The following CTNNA3 variants were observed in gnomAD, a reference collection of about 807,000 sequenced individuals.
The protein encoded by CTNNA3 is catenin alpha 3.
CTNNA3 carries 76 observed loss-of-function variants against 95.7 expected under a neutral mutation model. The ratio of observed to expected loss-of-function variants is 0.79; its 90% CI spans 0.66 to 0.96. The LOEUF (loss-of-function observed/expected upper bound fraction) is 0.96. Ranked by LOEUF, CTNNA3 falls within the 40% of genes least tolerant of loss-of-function variation. CTNNA3 has a pLI of 0.00. For synonymous variants in CTNNA3, 431 were observed against 374.4 expected (o/e 1.15, Z -1.74); for missense variants, 1,191 against 1,089.8 (o/e 1.09, Z -1.31).
chr10:67,484,217 G>A (rs934234462), intron 5 of CTNNA3, among the ~76,000 whole-genome samples: 1 of 152,134 alleles, frequency 6.6e-6, no homozygotes, highest in Admixed American at 6.6e-5. Flanking sequence ...AACAAGCAAT[G>A]GGGAAAGGAC....
At chr10:67,750,033 C>G (rs1034827699) in intron 1 of CTNNA3, among the ~76,000 whole-genome samples, 1 of 152,172 alleles carries the variant, frequency 6.6e-6, no homozygotes, top group Non-Finnish European at 1.5e-5. Flanking sequence ...CTGTAACACT[C>G]GCCGTGAAGG....
At chr10:66,248,344 A>C (rs2132060932) in intron 13 of CTNNA3, among the ~76,000 whole-genome samples, 1 of 103,398 alleles carries the variant, frequency 9.7e-6, no homozygotes, top group Non-Finnish European at 2.3e-5. Context: ...GAAAGAGAAA[A>C]TCATAAAAAA....
At chr10:67,250,291 C>T (rs867619962) in intron 5 of CTNNA3, among the ~76,000 whole-genome samples, 43 of 151,874 alleles carry the variant, frequency 2.8e-4, no homozygotes, top group Middle Eastern at 3.4e-3. Flanking sequence ...TCTCAGCTCA[C>T]TGCCACCTCC....
intron 7 of CTNNA3, among the ~76,000 whole-genome samples, chr10:67,168,037 T>C (rs1861858518): frequency 6.6e-6 from 1 of 152,130 alleles, no homozygotes; most frequent in Admixed American, 6.5e-5. Context: ...CTCAGGAGGT[T>C]GAGGCAGGAG....
chr10:66,083,008 C>T (rs1213576358), intron 14 of CTNNA3, among the ~76,000 whole-genome samples: 1 of 148,296 alleles, frequency 6.7e-6, no homozygotes, highest in Non-Finnish European at 1.5e-5. Flanking sequence ...AAAAAGAGTC[C>T]CTTCCCTAAA....
At chr10:66,914,509 G>A (rs1406237148) in intron 7 of CTNNA3, among the ~76,000 whole-genome samples, 1 of 143,092 alleles carries the variant, frequency 7.0e-6, no homozygotes, top group Non-Finnish European at 1.5e-5. Flanking sequence ...TACCTCAGAA[G>A]AAGTAGTGGC....
chr10:67,715,457 G>A (rs558225997), intron 1 of CTNNA3, among the ~76,000 whole-genome samples: 1 of 152,142 alleles, frequency 6.6e-6, no homozygotes. Context: ...GAGACCTTGA[G>A]AGCAGCTAAT....
intron 11 of CTNNA3, among the ~76,000 whole-genome samples, chr10:66,446,673 C>T (rs1350912447): frequency 6.6e-6 from 1 of 152,104 alleles, no homozygotes; most frequent in East Asian, 1.9e-4. Context: ...TGGGACGTAT[C>T]TAAAAATAAT....
chr10:67,006,658 CTT>C (rs1161657240), intron 7 of CTNNA3, among the ~76,000 whole-genome samples: 6 of 152,096 alleles, frequency 3.9e-5, no homozygotes, highest in Admixed American at 1.3e-4. Flanking sequence ...TCATTTAAAA[CTT>C]GAGTAATTAT....
chr10:66,006,088 G>C (rs1378604433), intron 15 of CTNNA3, among the ~76,000 whole-genome samples: 1 of 147,724 alleles, frequency 6.8e-6, no homozygotes, highest in Non-Finnish European at 1.5e-5. Flanking sequence ...TCTCGGCTCA[G>C]TGCAAGCTCT....
intron 10 of CTNNA3, among the ~76,000 whole-genome samples, chr10:66,585,037 G>T (rs1843313376): frequency 6.6e-6 from 1 of 152,010 alleles, no homozygotes; most frequent in Admixed American, 6.6e-5. Context: ...TAAGGTTTCT[G>T]CTGAGAAGTC....
intron 5 of CTNNA3, among the ~76,000 whole-genome samples, chr10:67,517,266 CTT>C (rs1351960259): frequency 1.3e-5 from 2 of 152,060 alleles, no homozygotes; most frequent in African/African-American, 2.4e-5. Context: ...CCTGTTATCT[CTT>C]GTCTTGCACA....
intron 8 of CTNNA3, among the ~76,000 whole-genome samples, chr10:66,774,227 T>C (rs1359813478): frequency 3.3e-5 from 5 of 152,158 alleles, no homozygotes; most frequent in Non-Finnish European, 7.4e-5. Flanking sequence ...TTCTGAGTCC[T>C]AGGTGAAGCA....
intron 6 of CTNNA3, among the ~76,000 whole-genome samples, chr10:67,207,266 A>G (rs1483551271): frequency 6.6e-6 from 1 of 152,200 alleles, no homozygotes; most frequent in African/African-American, 2.4e-5. Flanking sequence ...AGTCAGCCTA[A>G]TAACTCTCAT....
chr10:67,454,167 T>G (rs1847086908), intron 5 of CTNNA3, among the ~76,000 whole-genome samples: 1 of 152,170 alleles, frequency 6.6e-6, no homozygotes, highest in African/African-American at 2.4e-5. Flanking sequence ...ACTTTTAGGT[T>G]GCCTATCCTT....
At chr10:66,432,079 T>C (rs2093301547) in intron 11 of CTNNA3, among the ~76,000 whole-genome samples, 1 of 152,056 alleles carries the variant, frequency 6.6e-6, no homozygotes, top group African/African-American at 2.4e-5. Context: ...TTGGAATTCG[T>C]AAAATAATTC....
At chr10:66,049,215 T>C (rs992470071) in intron 15 of CTNNA3, among the ~76,000 whole-genome samples, 1 of 152,114 alleles carries the variant, frequency 6.6e-6, no homozygotes, top group Non-Finnish European at 1.5e-5. Context: ...ATTAGAGAAA[T>C]GCAAATTGAA....
At chr10:65,948,004 G>A (rs1003906004) in intron 17 of CTNNA3, among the ~76,000 whole-genome samples, 6 of 152,318 alleles carry the variant, frequency 3.9e-5, no homozygotes, top group Middle Eastern at 3.4e-3. Flanking sequence ...GCGGCCAGGC[G>A]CGGTGGCTTA....
At chr10:66,381,530 AC>A (rs1214859277) in intron 11 of CTNNA3, among the ~76,000 whole-genome samples, 3 of 152,052 alleles carry the variant, frequency 2.0e-5, no homozygotes, top group Non-Finnish European at 4.4e-5. Flanking sequence ...AATACTTGGC[AC>A]TTGTTAGGCT....
Sources: gnomAD v4.1 joint callset for allele counts (sites outside exome capture counted in the v4.1 genomes callset) on GRCh38, gnomAD v4.1.1 for gene constraint, MANE v1.5 for transcripts, NCBI Gene and HGNC (gene_info 2026-07-23, HGNC 2026-07-21) for gene names.